The following ASTN2 variants were observed in gnomAD, a reference collection of about 807,000 sequenced individuals.
ASTN2 encodes astrotactin 2, also known as astrotactin-2.
A neutral mutation model predicts 139.8 loss-of-function variants in ASTN2; 54 were observed. The ratio of observed to expected loss-of-function variants is 0.39; its 90% CI spans 0.31 to 0.48. ASTN2 has a LOEUF of 0.48. Among genes scored for constraint, ASTN2 ranks in the 20% least tolerant of loss-of-function variants. ASTN2 has a pLI of 0.95. For missense variants in ASTN2, 1,565 were observed against 1,725.1 expected, an observed-to-expected ratio of 0.91 and a Z score of 1.64; for synonymous variants, 756 against 719.5, an observed-to-expected ratio of 1.05 and a Z score of -0.81.
intron 13 of ASTN2, among the ~76,000 whole-genome samples, chr9:116,742,055 C>T (rs1016631315): frequency 3.3e-5 from 5 of 152,180 alleles, no homozygotes; most frequent in Admixed American, 2.0e-4. Flanking sequence ...TGATAGGAGA[C>T]GCACATGTGT....
At chr9:116,556,339 T>A (rs973151990) in intron 19 of ASTN2, among the ~76,000 whole-genome samples, 1 of 152,106 alleles carries the variant, frequency 6.6e-6, no homozygotes, top group African/African-American at 2.4e-5. Context: ...GTAGGGCTCT[T>A]TAAAAGTGCC....
At chr9:117,399,329 G>A (rs941787344) in intron 1 of ASTN2, among the ~76,000 whole-genome samples, 4 of 152,050 alleles carry the variant, frequency 2.6e-5, no homozygotes, top group African/African-American at 9.7e-5. Context: ...TATTCACGCT[G>A]GATCTTAAAA....
At chr9:117,081,511 G>T (rs1248202847) in intron 5 of ASTN2, among the ~76,000 whole-genome samples, 1 of 152,064 alleles carries the variant, frequency 6.6e-6, no homozygotes, top group African/African-American at 2.4e-5. Context: ...CCTTAATGTG[G>T]GTGCCACTGT....
intron 1 of ASTN2, among the ~76,000 whole-genome samples, chr9:117,368,367 A>G (rs1292360789): frequency 6.6e-6 from 1 of 152,198 alleles, no homozygotes; most frequent in African/African-American, 2.4e-5. Context: ...ACAAAAACAC[A>G]AAAAGAATGT....
chr9:116,815,804 CA>C (rs55954354), intron 12 of ASTN2, among the ~76,000 whole-genome samples: 152 of 24,096 alleles, frequency 6.3e-3, no homozygotes, highest in African/African-American at 0.014. Context: ...GACTCCGTCT[CA>C]AAAAAAAAAA....
chr9:116,602,331 T>C (rs10441738), intron 19 of ASTN2, among the ~76,000 whole-genome samples: 61,309 of 151,992 alleles, frequency 0.4, 13,267 homozygotes, highest in Admixed American at 0.5. Flanking sequence ...TTTGTTTGTG[T>C]CTTTGTTCTA....
intron 7 of ASTN2, among the ~76,000 whole-genome samples, chr9:116,977,709 CTTTTTCT>C (rs956613197): frequency 1.2e-5 from 1 of 86,682 alleles, no homozygotes; most frequent in Non-Finnish European, 2.1e-5. Flanking sequence ...TATAGAATTT[CTTTTTCT>C]TTTTTTTTTT....
chr9:116,446,199 G>A (rs1166514732), intron 20 of ASTN2, among the ~76,000 whole-genome samples: 1 of 151,444 alleles, frequency 6.6e-6, no homozygotes, highest in African/African-American at 2.4e-5. Context: ...CAGCAGGAGA[G>A]TGAAAGAGGG....
intron 19 of ASTN2, among the ~76,000 whole-genome samples, chr9:116,570,852 C>G (rs1310657173): frequency 6.6e-6 from 1 of 152,196 alleles, no homozygotes; most frequent in African/African-American, 2.4e-5. Flanking sequence ...TTTGCTGAAT[C>G]CTGTACCATC....
chr9:117,163,819 T>C (rs1830607612), intron 3 of ASTN2, among the ~76,000 whole-genome samples: 1 of 152,118 alleles, frequency 6.6e-6, no homozygotes, highest in Non-Finnish European at 1.5e-5. Context: ...CCCATTTTAT[T>C]GTAGACTTCC....
At chr9:117,345,537 C>T (rs1829189908) in intron 1 of ASTN2, among the ~76,000 whole-genome samples, 1 of 152,184 alleles carries the variant, frequency 6.6e-6, no homozygotes, top group Non-Finnish European at 1.5e-5. Context: ...CCCAAGGTCA[C>T]ACAGCTGATA....
At chr9:117,365,313 AAAAGAAAGAAAG>A (rs199655241) in intron 1 of ASTN2, among the ~76,000 whole-genome samples, 2 of 148,062 alleles carry the variant, frequency 1.4e-5, no homozygotes, top group South Asian at 2.1e-4. Flanking sequence ...GAAAGAAAGA[AAAAGAAAGAAAG>A]AAAGAAAGAA....
At chr9:117,137,667 C>T (rs1404866477) in intron 4 of ASTN2, among the ~76,000 whole-genome samples, 1 of 151,888 alleles carries the variant, frequency 6.6e-6, no homozygotes, top group Admixed American at 6.6e-5. Context: ...AAGATTCATT[C>T]AAGAATCTTC....
At chr9:116,943,272 T>C (rs1835290088) in intron 10 of ASTN2, among the ~76,000 whole-genome samples, 1 of 152,036 alleles carries the variant, frequency 6.6e-6, no homozygotes, top group Non-Finnish European at 1.5e-5. Context: ...CACCTGTGAG[T>C]ATAAAGATGT....
intron 13 of ASTN2, among the ~76,000 whole-genome samples, chr9:116,795,882 T>C (rs185724826): frequency 6.6e-6 from 1 of 152,304 alleles, no homozygotes; most frequent in East Asian, 1.9e-4. Context: ...CACTTTATAG[T>C]TGAAGATCTT....
intron 3 of ASTN2, among the ~76,000 whole-genome samples, chr9:117,148,663 G>A (rs1372788958): frequency 4.6e-5 from 7 of 152,116 alleles, no homozygotes; most frequent in African/African-American, 1.4e-4. Context: ...AATTTTGTGC[G>A]CCAATTTACT....
intron 1 of ASTN2, among the ~76,000 whole-genome samples, chr9:117,411,502 C>T (rs1208789370): frequency 2.0e-5 from 2 of 101,460 alleles, no homozygotes; most frequent in Non-Finnish European, 4.3e-5. Flanking sequence ...TTACCAATAA[C>T]AGAAACAAAA....
At chr9:116,786,590 C>T (rs1830385127) in intron 13 of ASTN2, among the ~76,000 whole-genome samples, 1 of 151,858 alleles carries the variant, frequency 6.6e-6, no homozygotes, top group East Asian at 1.9e-4. Context: ...GAGAGATACC[C>T]AAGAAACTAA....
At chr9:116,967,360 A>G (rs1836042632) in intron 10 of ASTN2, among the ~76,000 whole-genome samples, 1 of 152,204 alleles carries the variant, frequency 6.6e-6, no homozygotes, top group Admixed American at 6.5e-5. Context: ...TATCCATGCT[A>G]TTCACTTCGC....
Sources: allele counts gnomAD v4.1 joint callset (sites outside exome capture counted in the v4.1 genomes callset), GRCh38; gene constraint gnomAD v4.1.1; transcripts MANE v1.5; gene names NCBI Gene and HGNC (gene_info 2026-07-23, HGNC 2026-07-21).